The following ROS1 variants were observed in gnomAD, a reference collection of about 807,000 sequenced individuals.
ROS1 encodes ROS proto-oncogene 1, receptor tyrosine kinase, also known as proto-oncogene tyrosine-protein kinase ROS.
ROS1 carries 263 observed loss-of-function variants against 273.5 expected under a neutral mutation model. That is an observed-to-expected ratio of 0.96 (90% CI 0.87 to 1.06). The LOEUF is 1.06. ROS1 is among the 50% of genes least tolerant of loss of function. ROS1 has a pLI of 0.00. For missense variants in ROS1, 2,833 were observed against 2,751.1 expected (o/e 1.03, Z -0.67); for synonymous variants, 1,008 against 954.1 (o/e 1.06, Z -1.04).
chr6:117,317,491 T>TG (rs1187176448), intron 38 of ROS1, among the ~76,000 whole-genome samples: 6 of 152,108 alleles, frequency 3.9e-5, no homozygotes, highest in African/African-American at 1.4e-4. Flanking sequence ...AATAGGTTGG[T>TG]TTTTAGAAGG....
In ROS1 at chr6:117,288,516, A is replaced by G. The variant is rs760078455; in HGVS notation, c.7002T>C (p.Ser2334=). Residue 2334 remains serine, a synonymous_variant, in exon 44 of 44, where the codon AGT becomes AGC. Transcript: ENST00000368507. ...EGLNYACLTH[S]GYGDGSD is the part of the protein sequence containing the mutation. ...ATTAATCAGACCCATCTCCATATCC[A>G]CTGTGAGTGAGACAGGCATAGTTCA... 3.7e-6 allele frequency: 6 copies of G among 1,613,672 alleles called. No homozygotes were observed. In the South Asian group the frequency reaches 6.6e-5, roughly 18 times the overall value.
Position 117,365,177 on chromosome 6 carries a change from G to GTA in ROS1, c.2984_2985dup (p.Pro996TyrfsTer80), listed in dbSNP as rs1188637201. 6.2e-7 allele frequency: 1 copy of GTA among 1,610,256 alleles called. No homozygotes were observed. The highest frequency in any genetic ancestry group is 1.1e-5 in the South Asian group (1 of 90,614). On this transcript the variant is annotated frameshift_variant, in exon 21 of 44. Coordinates refer to ENST00000368507, the MANE Select transcript of ROS1 (RefSeq NM_001378902.1). LOFTEE classifies it high-confidence loss of function. ...TCCAGTCCTTCCACAGTAAATACAG[G>GTA]TAAAGAGTGTTGTTCACTAGCCAAG... is the stretch of plus-strand genomic sequence containing the variant.
intron 33 of ROS1, chr6:117,328,746 C>T (rs1776827349): frequency 6.5e-6 from 4 of 613,908 alleles, no homozygotes; most frequent in Non-Finnish European, 9.7e-6. Context: ...TTCACGTGCT[C>T]CCCGTACTGG....
intron 18 of ROS1, among the ~76,000 whole-genome samples, chr6:117,376,796 T>A (rs1400214080): frequency 6.6e-6 from 1 of 152,204 alleles, no homozygotes; most frequent in Non-Finnish European, 1.5e-5. Context: ...ACCATTTTCA[T>A]TGATTGGAAG....
At chr6:117,303,331 C>T (rs986920599) in intron 42 of ROS1, among the ~76,000 whole-genome samples, 1 of 152,070 alleles carries the variant, frequency 6.6e-6, no homozygotes, top group African/African-American at 2.4e-5. Context: ...AAAACAAACA[C>T]GAGTTCTAAT....
chr6:117,417,286 T>C (rs1014852954), intron 2 of ROS1, among the ~76,000 whole-genome samples: 1 of 152,134 alleles, frequency 6.6e-6, no homozygotes, highest in African/African-American at 2.4e-5. Context: ...TACATTCTCC[T>C]GAGTTGTCCA....
intron 32 of ROS1, among the ~76,000 whole-genome samples, chr6:117,334,685 C>T (rs1004015654): frequency 1.3e-5 from 2 of 152,126 alleles, no homozygotes; most frequent in African/African-American, 4.8e-5. Context: ...AGAAATTACA[C>T]CACACATCTA....
chr6:117,379,198 T>G (rs1303001021), intron 17 of ROS1, 39 bp from the exon 18 acceptor site: 1 of 1,262,474 alleles, frequency 7.9e-7, no homozygotes, highest in African/African-American at 1.5e-5. Flanking sequence ...ACCAAATACA[T>G]GTTTGAAGCA....
In ROS1 at chr6:117,320,135, T is replaced by C. The variant is rs560446170; in HGVS notation, c.5760-105A>G. On this transcript the variant is annotated intron_variant, in intron 36 of 43. Transcript: ENST00000368507. ...GTTTGAGAGAGAAAGAAATATCTCA[T>C]GGCTTTGCAGTATTGTGTGTTTTAT... 57 of 994,138 alleles carry C rather than the reference T, an allele frequency of 5.7e-5. No individual in the cohort carries two copies. In the South Asian group the frequency reaches 8.7e-4, roughly 15 times the overall value. 61.6% of individuals were successfully genotyped at this position (994,138 alleles called of 1,614,324 possible).
chr6:117,383,869 T>C (rs1022936850), intron 16 of ROS1, among the ~76,000 whole-genome samples: 7 of 152,244 alleles, frequency 4.6e-5, no homozygotes, highest in African/African-American at 1.7e-4. Context: ...TCCCTATAAA[T>C]GATGACATCT....
At chr6:117,307,472 G>A (rs1412123851) in intron 42 of ROS1, among the ~76,000 whole-genome samples, 2 of 152,086 alleles carry the variant, frequency 1.3e-5, no homozygotes, top group Non-Finnish European at 2.9e-5. Context: ...AATTTATTTT[G>A]TATTTAGGTA....
Position 117,301,139 on chromosome 6 carries a change from T to C in ROS1, c.6552-2A>G. On this transcript the variant is annotated splice_acceptor_variant, in intron 42 of 43. Coordinates refer to ENST00000368507, the MANE Select transcript of ROS1 (RefSeq NM_001378902.1). LOFTEE classifies it high-confidence loss of function. Reference sequence around the variant, plus strand: ...CAGCACTGGGTCATTAAATTCCACCTAAATATATGGGGAAAGATGGGAAAG... The same window carrying C: ...CAGCACTGGGTCATTAAATTCCACCCAAATATATGGGGAAAGATGGGAAAG... The C allele has an allele frequency of 6.3e-7, 1 of 1,577,616 alleles. No homozygotes were observed.
At chr6:117,362,902 A>G (rs747306404) in intron 21 of ROS1, 37 bp from the exon 22 acceptor site, 3 of 1,517,454 alleles carry the variant, frequency 2.0e-6, no homozygotes, top group Non-Finnish European at 2.7e-6. Context: ...AGAAAAGAAT[A>G]TAAGAATATA....
intron 31 of ROS1, among the ~76,000 whole-genome samples, chr6:117,337,898 C>T (rs975656890): frequency 1.3e-5 from 2 of 151,960 alleles, no homozygotes; most frequent in Admixed American, 6.6e-5. Context: ...GCCTACATAG[C>T]CAAAAGAAGA....
chr6:117,401,929 C>G (rs941532524), intron 7 of ROS1, among the ~76,000 whole-genome samples: 8 of 151,656 alleles, frequency 5.3e-5, no homozygotes, highest in African/African-American at 1.7e-4. Flanking sequence ...AAATAGAATC[C>G]AAACATATCT....
rs955982512 is a variant in ROS1, at chr6:117,425,870, G to C, written c.-214C>G. ...TTGAAAGCTTGTAACAGTTCCATAAGAGCTATTTCATAACAGCTTCCTTTT... is the reference window on the plus strand; with the variant it reads ...TTGAAAGCTTGTAACAGTTCCATAACAGCTATTTCATAACAGCTTCCTTTT... On this transcript the variant is annotated 5_prime_UTR_variant, in exon 1 of 44. Coordinates refer to ENST00000368507, the MANE Select transcript of ROS1 (RefSeq NM_001378902.1). 1 of 466,114 alleles carries C rather than the reference G, an allele frequency of 2.1e-6. No homozygotes were observed. Among genetic ancestry groups the C allele is most frequent in the Non-Finnish European group, 3.8e-6 (1 of 266,222 alleles). The allele number at this position is 466,114 out of a possible 1,614,324, so 28.9% of individuals were successfully genotyped here. A position where few individuals can be genotyped will look rare whatever the true frequency, so the allele number is the denominator to read the frequency against.
At chr6:117,301,208 A>G in intron 42 of ROS1, 71 bp from the exon 43 acceptor site, 1 of 1,312,976 alleles carries the variant, frequency 7.6e-7, no homozygotes, top group Non-Finnish European at 1.0e-6. Flanking sequence ...AGGTAGGGTC[A>G]TTTTAGAAAG....
intron 27 of ROS1, among the ~76,000 whole-genome samples, chr6:117,345,686 A>C (rs898431610): frequency 2.0e-5 from 3 of 152,208 alleles, no homozygotes; most frequent in Non-Finnish European, 4.4e-5. Context: ...TTCACTTGCT[A>C]ACTTTTTTGT....
At chr6:117,326,150 G>T in intron 34 of ROS1, 74 bp downstream of exon 34, 1 of 597,366 alleles carries the variant, frequency 1.7e-6, no homozygotes, top group East Asian at 3.6e-5. Flanking sequence ...TATTGCTAAT[G>T]TTAAGAATGT....
Sources: allele counts gnomAD v4.1 joint callset (sites outside exome capture counted in the v4.1 genomes callset), GRCh38; gene constraint gnomAD v4.1.1; transcripts MANE v1.5; gene names NCBI Gene and HGNC (gene_info 2026-07-23, HGNC 2026-07-21).